CARF: variants seen among roughly 807,000 people sequenced by gnomAD.
The protein encoded by CARF is calcium responsive transcription factor.
CARF carries 57 observed loss-of-function variants against 82.0 expected under a neutral mutation model. The ratio of observed to expected loss-of-function variants is 0.70; its 90% CI spans 0.56 to 0.87. CARF has a LOEUF of 0.87. Ranked by LOEUF, CARF falls within the 40% of genes least tolerant of loss-of-function variation. The probability of loss-of-function intolerance (pLI) is 0.00; values close to 1 mark genes in which losing one functional copy is unlikely to be tolerated. For synonymous variants in CARF, 268 were observed against 290.1 expected (o/e 0.92, Z 0.77); for missense variants, 771 against 855.8 (o/e 0.90, Z 1.24).
intron 7 of CARF, 120 bp downstream of exon 7, chr2:202,954,254 G>A: frequency 1.7e-6 from 2 of 1,154,732 alleles, no homozygotes; most frequent in African/African-American, 1.6e-5. Flanking sequence ...AACTATCATT[G>A]AATATATCTT....
intron 5 of CARF, 100 bp downstream of exon 5, chr2:202,943,067 G>GTTTA (rs924234521): frequency 1.1e-5 from 10 of 906,076 alleles, no homozygotes; most frequent in African/African-American, 8.5e-5. Context: ...CTTACATTGT[G>GTTTA]TTTATTTATT....
Position 202,983,650 on chromosome 2 carries a change from A to C in CARF, c.*26A>C. 1 of 1,368,284 alleles carries C rather than the reference A, an allele frequency of 7.3e-7. No individual in the cohort carries two copies. Among genetic ancestry groups the C allele is most frequent in the South Asian group, 1.2e-5 (1 of 83,470 alleles). 84.8% of individuals were successfully genotyped at this position (1,368,284 alleles called of 1,614,324 possible). On this transcript the variant is annotated 3_prime_UTR_variant, in exon 17 of 17. Coordinates refer to ENST00000438828, the MANE Select transcript of CARF (RefSeq NM_024744.17). ...ATTATTGAAGCTTTTCAGAATTTAC[A>C]ACTCTGGTGACTTCTGATGTCTTAG...
At chr2:202,935,130 T>TTATATATAATTATTTATAA (rs1381622988) in intron 3 of CARF, among the ~76,000 whole-genome samples, 10 of 143,046 alleles carry the variant, frequency 7.0e-5, no homozygotes, top group Admixed American at 3.6e-4. Context: ...TTATTTATAA[T>TTATATATAATTATTTATAA]TATATAATAT....
chr2:202,942,355 C>G, intron 4 of CARF, among the ~76,000 whole-genome samples: 1 of 145,272 alleles, frequency 6.9e-6, no homozygotes, highest in East Asian at 2.0e-4. Flanking sequence ...GCCTGGGCAA[C>G]AGAGAGAGAC....
At chr2:202,974,087 C>CA (rs1399419109) in intron 12 of CARF, among the ~76,000 whole-genome samples, 5 of 152,012 alleles carry the variant, frequency 3.3e-5, no homozygotes, top group African/African-American at 9.7e-5. Context: ...GACTCCATCT[C>CA]AAAAAATAAT....
intron 5 of CARF, among the ~76,000 whole-genome samples, chr2:202,943,741 G>A (rs538053062): frequency 1.4e-4 from 21 of 151,112 alleles, no homozygotes; most frequent in African/African-American, 4.9e-4. Flanking sequence ...TCCGCCTCCC[G>A]GGTTCAAGCA....
At chr2:202,981,811 G>T in intron 15 of CARF, 126 bp downstream of exon 15, 1 of 1,025,942 alleles carries the variant, frequency 9.7e-7, no homozygotes, top group Non-Finnish European at 1.4e-6. Context: ...TGTTTTCATT[G>T]TTAATTTCCT....
intron 11 of CARF, 75 bp from the exon 12 acceptor site, chr2:202,971,430 T>G (rs2059787440): frequency 7.3e-6 from 6 of 826,854 alleles, no homozygotes; most frequent in South Asian, 1.9e-5. Flanking sequence ...TAATTATGAT[T>G]CCTACTTTGG....
At chr2:202,930,515 A>C (rs1372209051) in intron 3 of CARF, among the ~76,000 whole-genome samples, 2 of 151,796 alleles carry the variant, frequency 1.3e-5, no homozygotes, top group African/African-American at 4.8e-5. Context: ...GAAGCTCTCT[A>C]TTGTATTTAT....
At chr2:202,981,981 T>C in intron 15 of CARF, 91 bp from the exon 16 acceptor site, 1 of 1,335,476 alleles carries the variant, frequency 7.5e-7, no homozygotes, top group Admixed American at 2.4e-5. Flanking sequence ...TTTTATTTGT[T>C]CGGATTTTTT....
At chr2:202,965,146 C>G (rs1268898898) in intron 9 of CARF, among the ~76,000 whole-genome samples, 1 of 152,020 alleles carries the variant, frequency 6.6e-6, no homozygotes, top group Non-Finnish European at 1.5e-5. Context: ...GTAGTTTGTT[C>G]TGTAATATTT....
Position 202,912,469 on chromosome 2 carries a change from A to G in CARF, c.-963A>G, listed in dbSNP as rs1393535304. ...GCAGACCTACCGGACGCTACCTCCC[A>G]ACCCCCCGTCTTCCTCCTGCCTCCT... On this transcript the variant is annotated 5_prime_UTR_variant, in exon 1 of 17. Coordinates refer to ENST00000438828, the MANE Select transcript of CARF (RefSeq NM_024744.17). 3.2e-5 allele frequency: 1 copy of G among 30,866 alleles called. No individual in the cohort carries two copies. The highest frequency in any genetic ancestry group is 1.5e-4 in the Non-Finnish European group (1 of 6,606). 1.9% of individuals were successfully genotyped at this position (30,866 alleles called of 1,614,324 possible). A position where few individuals can be genotyped will look rare whatever the true frequency, so the allele number is the denominator to read the frequency against.
chr2:202,956,765 C>A (rs549548307), intron 8 of CARF, among the ~76,000 whole-genome samples: 27 of 152,164 alleles, frequency 1.8e-4, no homozygotes, highest in African/African-American at 6.0e-4. Flanking sequence ...TGCTTTCCCA[C>A]ATTTAGGTAG....
intron 1 of CARF, among the ~76,000 whole-genome samples, chr2:202,914,234 C>G (rs1012908047): frequency 2.0e-5 from 3 of 152,046 alleles, no homozygotes; most frequent in African/African-American, 7.2e-5. Context: ...TGGAGAACCA[C>G]AGTTTGGAAA....
rs1476654612 is a variant in CARF, at chr2:202,982,141, C to T, written c.1759C>T (p.Pro587Ser). Residue 587 changes from proline to serine, a missense_variant, in exon 16 of 17, where the codon CCG becomes TCG. By Grantham distance (74) the Pro-to-Ser change is moderately conservative. Transcript: ENST00000438828. ...SPAVVSVNNQ[P>S]SSSPSGLLDT... ...AGCTGTGGTATCAGTAAATAACCAG[C>T]CGTCCTCTAGTCCTTCAGGACTTCT... 6.2e-7 allele frequency: 1 copy of T among 1,614,080 alleles called. No individual in the cohort carries two copies. Among genetic ancestry groups the T allele is most frequent in the Admixed American group, 1.7e-5 (1 of 60,008 alleles).
intron 3 of CARF, among the ~76,000 whole-genome samples, chr2:202,928,456 A>T (rs1692266062): frequency 1.3e-5 from 2 of 152,078 alleles, no homozygotes; most frequent in African/African-American, 4.8e-5. Context: ...TTTCTCCTTG[A>T]CTTACTGATT....
rs1405997790 is a variant in CARF, at chr2:202,987,846, A to G, written c.*4222A>G. On this transcript the variant is annotated 3_prime_UTR_variant, in exon 17 of 17. Transcript: ENST00000438828. ...ATAATTGAAATACAATAAACTGTACATATTTAAAGTACCCAATATGATAAG... is the reference window on the plus strand; with the variant it reads ...ATAATTGAAATACAATAAACTGTACGTATTTAAAGTACCCAATATGATAAG... Among the ~76,000 whole-genome samples the G allele has an allele frequency of 2.0e-5, 3 of 152,190 alleles. No homozygotes were observed. Among genetic ancestry groups the G allele is most frequent in the Admixed American group, 2.0e-4 (3 of 15,276 alleles).
chr2:202,934,879 C>T (rs1249985070), intron 3 of CARF, among the ~76,000 whole-genome samples: 3 of 151,502 alleles, frequency 2.0e-5, no homozygotes, highest in African/African-American at 7.3e-5. Flanking sequence ...AGTTCGATAC[C>T]AGCCTGGCCA....
At chr2:202,947,225 C>G (rs1027952079) in intron 5 of CARF, among the ~76,000 whole-genome samples, 4 of 152,064 alleles carry the variant, frequency 2.6e-5, no homozygotes, top group African/African-American at 9.7e-5. Flanking sequence ...TGGAACTACC[C>G]CAAATGCCCA....
Sources: gnomAD v4.1 joint callset for allele counts (sites outside exome capture counted in the v4.1 genomes callset) on GRCh38, gnomAD v4.1.1 for gene constraint, MANE v1.5 for transcripts, NCBI Gene and HGNC (gene_info 2026-07-23, HGNC 2026-07-21) for gene names.